Variants in TBL3 observed in about 807,000 individuals in gnomAD.
TBL3 encodes transducin beta-like protein 3.
A neutral mutation model predicts 102.7 loss-of-function variants in TBL3; 71 were observed. The observed-to-expected ratio is 0.69, with a 90% CI of 0.57 to 0.84. TBL3 has a LOEUF of 0.84. Among genes scored for constraint, TBL3 ranks in the 40% least tolerant of loss-of-function variants. The probability of loss-of-function intolerance (pLI) is 0.00; values close to 1 mark genes in which losing one functional copy is unlikely to be tolerated. For missense variants in TBL3, 1,188 were observed against 1,098.5 expected (o/e 1.08, Z -1.15); for synonymous variants, 578 against 477.7 (o/e 1.21, Z -2.74).
In TBL3 at chr16:1,981,566, C is replaced by G. The variant is rs1003626090; in HGVS notation, c.*2881C>G. 1 of 262,418 alleles carries G rather than the reference C, an allele frequency of 3.8e-6. No homozygotes were observed. The highest frequency in any genetic ancestry group is 8.4e-5 in the East Asian group (1 of 11,868). 16.3% of individuals were successfully genotyped at this position (262,418 alleles called of 1,614,324 possible). A position where few individuals can be genotyped will look rare whatever the true frequency, so the allele number is the denominator to read the frequency against. On this transcript the variant is annotated 3_prime_UTR_variant, in exon 22 of 22. Transcript: ENST00000568546. ...GAGGAGAAGGCAGGGCTAATCAAAG[C>G]GCCACCTGTCCTGCCCACCTCTCTG...
Position 1,979,000 on chromosome 16 carries a change from C to A in TBL3, c.*315C>A. ...GCCAGGGAGATCCGCCCTCCCCGCT[C>A]CTCCCCAGCCCTGGGATGGCGCGGT... On this transcript the variant is annotated 3_prime_UTR_variant, in exon 22 of 22. Coordinates refer to ENST00000568546, the MANE Select transcript of TBL3 (RefSeq NM_006453.3). 6.7e-7 allele frequency: 1 copy of A among 1,484,606 alleles called. No homozygotes were observed. Among genetic ancestry groups the A allele is most frequent in the Non-Finnish European group, 8.9e-7 (1 of 1,118,518 alleles). 92.0% of individuals were successfully genotyped at this position (1,484,606 alleles called of 1,614,324 possible). A position where few individuals can be genotyped will look rare whatever the true frequency, so the allele number is the denominator to read the frequency against.
Position 1,978,224 on chromosome 16 carries a change from G to A in TBL3, c.2134+4G>A, listed in dbSNP as rs1241536029. On this transcript the variant is annotated splice_donor_region_variant and intron_variant, in intron 20 of 21. Coordinates refer to ENST00000568546, the MANE Select transcript of TBL3 (RefSeq NM_006453.3). ...CGACTGCGGCGCGACCAGAAAGGTTGGCGGCCAGTCAGGGTGGGTGGCCCG... is the reference window on the plus strand; with the variant it reads ...CGACTGCGGCGCGACCAGAAAGGTTAGCGGCCAGTCAGGGTGGGTGGCCCG... The A allele has an allele frequency of 6.2e-7, 1 of 1,612,754 alleles. No individual in the cohort carries two copies. The highest frequency in any genetic ancestry group is 8.5e-7 in the Non-Finnish European group (1 of 1,179,956).
In TBL3 at chr16:1,978,326, C is replaced by T; in HGVS notation, c.2148C>T (p.Arg716=). The T allele has an allele frequency of 1.2e-6, 2 of 1,610,090 alleles. No homozygotes were observed. Among genetic ancestry groups the T allele is most frequent in the South Asian group, 1.1e-5 (1 of 90,748 alleles). ...LRRDQKEALL[R]FCVTWNTNSR... ...TGTTGCCCACAGAGGCCCTGCTGCGCTTCTGCGTCACGTGGAACACCAACT... is the reference window on the plus strand; with the variant it reads ...TGTTGCCCACAGAGGCCCTGCTGCGTTTCTGCGTCACGTGGAACACCAACT... The change falls in exon 21 of 22, where the codon CGC becomes CGT. Residue 716 remains arginine, a synonymous_variant. Coordinates refer to ENST00000568546, the MANE Select transcript of TBL3 (RefSeq NM_006453.3).
rs759112539 is a variant in TBL3, at chr16:1,980,682, G to C, written c.*1997G>C. The C allele has an allele frequency of 6.2e-7, 1 of 1,607,204 alleles. No individual in the cohort carries two copies. Among genetic ancestry groups the C allele is most frequent in the Non-Finnish European group, 8.5e-7 (1 of 1,177,276 alleles). ...GAGAAGCTTTGGGAGAACGCGGTCA[G>C]ATCTCCGCAGCAGGCCCGCCTCCAC... On this transcript the variant is annotated 3_prime_UTR_variant, in exon 22 of 22. Transcript: ENST00000568546.
In TBL3 at chr16:1,975,804, G is replaced by T; in HGVS notation, c.988-4G>T. ...CACATCTCCTGCTCCCTGCCACCCC[G>T]CAGTTCGCTGGCTACAGTGAGGAGG... is the stretch of plus-strand genomic sequence containing the variant. On this transcript the variant is annotated splice_region_variant and splice_polypyrimidine_tract_variant and intron_variant, in intron 10 of 21. Coordinates refer to ENST00000568546, the MANE Select transcript of TBL3 (RefSeq NM_006453.3). 6.2e-7 allele frequency: 1 copy of T among 1,614,112 alleles called. No individual in the cohort carries two copies. Among genetic ancestry groups the T allele is most frequent in the Non-Finnish European group, 8.5e-7 (1 of 1,180,030 alleles).
Position 1,979,009 on chromosome 16 carries a change from C to T in TBL3, c.*324C>T. The T allele has an allele frequency of 1.3e-6, 2 of 1,508,822 alleles. No homozygotes were observed. The highest frequency in any genetic ancestry group is 1.2e-5 in the South Asian group (1 of 81,496). 93.5% of individuals were successfully genotyped at this position (1,508,822 alleles called of 1,614,324 possible). ...ATCCGCCCTCCCCGCTCCTCCCCAG[C>T]CCTGGGATGGCGCGGTCCATCCCCT... On this transcript the variant is annotated 3_prime_UTR_variant, in exon 22 of 22. Transcript: ENST00000568546.
In TBL3 at chr16:1,974,950, C is replaced by A; in HGVS notation, c.487C>A (p.Pro163Thr). 6.2e-7 allele frequency: 1 copy of A among 1,610,658 alleles called. No homozygotes were observed. Among genetic ancestry groups the A allele is most frequent in the Non-Finnish European group, 8.5e-7 (1 of 1,179,948 alleles). Residue 163 changes from proline (P) to threonine (T), a missense_variant, in exon 7 of 22, where the codon CCT becomes ACT. Coordinates refer to ENST00000568546, the MANE Select transcript of TBL3 (RefSeq NM_006453.3). ...CAGCCTAGTGGCCTTCCACCCGGAC[C>A]CTACACGCCTGCTGCTCTTCTCCTC... Reference protein sequence around the residue: ...VVHLVAFHPDPTRLLLFSSAT... With the variant: ...VVHLVAFHPDTTRLLLFSSAT...
chr16:1,973,742 C>T (rs568420745), intron 1 of TBL3, among the ~76,000 whole-genome samples: 43 of 152,262 alleles, frequency 2.8e-4, no homozygotes, highest in South Asian at 6.2e-4. Flanking sequence ...GGGGTGTTCC[C>T]AAGGAGCCCC....
chr16:1,980,590 C>G lies in TBL3; in HGVS notation c.*1905C>G. The G allele has an allele frequency of 1.9e-6, 3 of 1,594,334 alleles. No individual in the cohort carries two copies. The highest frequency in any genetic ancestry group is 2.6e-6 in the Non-Finnish European group (3 of 1,169,190). ...TACTGTGATACGCCGCTTTGGGCTT[C>G]ACTGGTCCCTGGCGCCCCCAGGCAA... is the stretch of plus-strand genomic sequence containing the variant. On this transcript the variant is annotated 3_prime_UTR_variant, in exon 22 of 22. Coordinates refer to ENST00000568546, the MANE Select transcript of TBL3 (RefSeq NM_006453.3).
intron 18 of TBL3, 77 bp from the exon 19 acceptor site, chr16:1,977,881 C>G: frequency 1.3e-6 from 2 of 1,595,674 alleles, no homozygotes; most frequent in South Asian, 2.2e-5. Context: ...TGCCAGGCTC[C>G]CTGCCTGCTG....
At chr16:1,972,726 C>A (rs1240631155) in intron 1 of TBL3, among the ~76,000 whole-genome samples, 2 of 152,216 alleles carry the variant, frequency 1.3e-5, no homozygotes, top group Non-Finnish European at 2.9e-5. Context: ...GCAGCGCAGC[C>A]TCATGGGATT....
chr16:1,981,413 G>A lies in TBL3; in HGVS notation c.*2728G>A, dbSNP rs930319004. Reference sequence around the variant, plus strand: ...ACAGGGATTGGGGGACTTCCAGGCAGAGCTGCTGGGAGGAAGAAGAAGAAT... The same window carrying A: ...ACAGGGATTGGGGGACTTCCAGGCAAAGCTGCTGGGAGGAAGAAGAAGAAT... On this transcript the variant is annotated 3_prime_UTR_variant, in exon 22 of 22. Coordinates refer to ENST00000568546, the MANE Select transcript of TBL3 (RefSeq NM_006453.3). The A allele has an allele frequency of 1.5e-5, 15 of 998,158 alleles. No homozygotes were observed. Among genetic ancestry groups the A allele is most frequent in the Non-Finnish European group, 2.0e-5 (14 of 708,490 alleles). 61.8% of individuals were successfully genotyped at this position (998,158 alleles called of 1,614,324 possible). A position where few individuals can be genotyped will look rare whatever the true frequency, so the allele number is the denominator to read the frequency against.
intron 7 of TBL3, 26 bp downstream of exon 7, chr16:1,975,124 G>C (rs374185665): frequency 6.2e-7 from 1 of 1,613,040 alleles, no homozygotes; most frequent in Non-Finnish European, 8.5e-7. Context: ...TGGTAGGAGG[G>C]GGAGGCTTGG....
At chr16:1,972,640 C>T (rs1349327832) in intron 1 of TBL3, among the ~76,000 whole-genome samples, 1 of 152,352 alleles carries the variant, frequency 6.6e-6, no homozygotes, top group Admixed American at 6.5e-5. Flanking sequence ...TCCGCAGAAG[C>T]CCAGGAGGCC....
chr16:1,978,313 A>G lies in TBL3; in HGVS notation c.2135A>G (p.Glu712Gly), dbSNP rs770445936. 1.2e-5 allele frequency: 19 copies of G among 1,609,658 alleles called. No homozygotes were observed. The highest frequency in any genetic ancestry group is 1.6e-5 in the Non-Finnish European group (19 of 1,178,000). ...TMLRLRRDQK[E>G]ALLRFCVTWN... is the part of the protein sequence containing the mutation. ...ACGATGAGGGTCCTGTTGCCCACAG[A>G]GGCCCTGCTGCGCTTCTGCGTCACG... is the stretch of plus-strand genomic sequence containing the variant. The change falls in exon 21 of 22, where the codon GAG (glutamate) becomes GGG (glycine). Residue 712 changes from glutamate to glycine, a missense_variant and splice_region_variant. Transcript: ENST00000568546.
rs192703433 is a variant in TBL3, at chr16:1,972,468, G to A, written c.41+263G>A. Among the ~76,000 whole-genome samples the A allele has an allele frequency of 6.4e-3, 976 of 152,314 alleles. 10 individuals are homozygous for A. Among genetic ancestry groups the A allele is most frequent in the African/African-American group, 0.022 (930 of 41,568 alleles). On this transcript the variant is annotated intron_variant, in intron 1 of 21. Transcript: ENST00000568546. ...GAAGCCGGCTATGGGGTGGAGTGGG[G>A]ACCAGAAGTCCCGATGAGGGGAGGA...
rs1426272867 is a variant in TBL3, at chr16:1,982,483, G to A, written c.*3798G>A. On this transcript the variant is annotated 3_prime_UTR_variant, in exon 22 of 22. Transcript: ENST00000568546. ...AAGCAGAGGCCTAGAGGGATTCTGA[G>A]GCCACCTGCCTACCCCAGCTGACAG... 1 of 152,140 alleles carries A rather than the reference G, an allele frequency of 6.6e-6. No individual in the cohort carries two copies. Among genetic ancestry groups the A allele is most frequent in the Non-Finnish European group, 1.5e-5 (1 of 68,080 alleles). The allele number at this position is 152,140 out of a possible 1,614,324, so 9.4% of individuals were successfully genotyped here.
Position 1,980,198 on chromosome 16 carries a change from G to T in TBL3, c.*1513G>T. 2 of 1,588,202 alleles carry T rather than the reference G, an allele frequency of 1.3e-6. No individual in the cohort carries two copies. Among genetic ancestry groups the T allele is most frequent in the Non-Finnish European group, 1.7e-6 (2 of 1,170,420 alleles). ...ATCACCCGGCTGGGAAGGGCAGCCCGTACGAGTGAGAGGTAGGCGGATGGG... is the reference window on the plus strand; with the variant it reads ...ATCACCCGGCTGGGAAGGGCAGCCCTTACGAGTGAGAGGTAGGCGGATGGG... On this transcript the variant is annotated 3_prime_UTR_variant, in exon 22 of 22. Coordinates refer to ENST00000568546, the MANE Select transcript of TBL3 (RefSeq NM_006453.3).
intron 1 of TBL3, 29 bp downstream of exon 1, chr16:1,972,234 G>A (rs2083366081): frequency 1.5e-6 from 2 of 1,332,958 alleles, no homozygotes; most frequent in African/African-American, 1.5e-5. Flanking sequence ...GGCCGTGCGG[G>A]GAGGGAGCTG....
Sources: allele counts gnomAD v4.1 joint callset (sites outside exome capture counted in the v4.1 genomes callset), GRCh38; gene constraint gnomAD v4.1.1; transcripts MANE v1.5; gene names NCBI Gene and HGNC (gene_info 2026-07-23, HGNC 2026-07-21).